DIP2C: variants seen among roughly 807,000 people sequenced by gnomAD.
The protein encoded by DIP2C is DIP2 acetate--CoA ligase C (putative).
In DIP2C, 33 loss-of-function variants were observed where a neutral mutation model predicts 192.4. The observed-to-expected ratio is 0.17, with a 90% CI of 0.13 to 0.23. The LOEUF is 0.23. Among genes scored for constraint, DIP2C ranks in the 10% least tolerant of loss-of-function variants. The pLI is 1.00. For synonymous variants in DIP2C, 979 were observed against 864.1 expected (o/e 1.13, Z -2.33); for missense variants, 1,537 against 2,110.1 (o/e 0.73, Z 5.32).
intron 17 of DIP2C, among the ~76,000 whole-genome samples, chr10:372,590 T>C (rs1277023690): frequency 6.6e-6 from 1 of 152,230 alleles, no homozygotes; most frequent in African/African-American, 2.4e-5. Context: ...ATTTGATAGA[T>C]TCCCTTGCTA....
At chr10:684,191 A>AAAGC (rs370366244) in intron 1 of DIP2C, among the ~76,000 whole-genome samples, 1 of 152,386 alleles carries the variant, frequency 6.6e-6, no homozygotes, top group African/African-American at 2.4e-5. Context: ...CACACGTTCA[A>AAAGC]AAGCCCACAC....
intron 1 of DIP2C, chr10:630,977 G>A (rs1468057996): frequency 6.6e-6 from 1 of 152,276 alleles, no homozygotes; most frequent in Non-Finnish European, 1.5e-5. Flanking sequence ...GGCTCTCAGG[G>A]AGCTGAGGGC....
At chr10:508,693 A>G (rs1564802299) in intron 1 of DIP2C, among the ~76,000 whole-genome samples, 1 of 152,126 alleles carries the variant, frequency 6.6e-6, no homozygotes, top group Non-Finnish European at 1.5e-5. Flanking sequence ...TGGTCAACGT[A>G]AGAAAAAAGC....
intron 32 of DIP2C, among the ~76,000 whole-genome samples, chr10:303,554 G>A (rs924619763): frequency 1.3e-5 from 2 of 148,718 alleles, no homozygotes; most frequent in African/African-American, 5.0e-5. Context: ...ACAGAGTTTT[G>A]CTCTTGTTGA....
At chr10:373,898 T>C (rs1961270655) in intron 17 of DIP2C, among the ~76,000 whole-genome samples, 1 of 152,228 alleles carries the variant, frequency 6.6e-6, no homozygotes, top group Admixed American at 6.5e-5. Context: ...CAATAAATAG[T>C]CTGGGCTTCC....
chr10:597,894 T>C (rs573568672), intron 1 of DIP2C, among the ~76,000 whole-genome samples: 2 of 152,198 alleles, frequency 1.3e-5, no homozygotes, highest in African/African-American at 4.8e-5. Flanking sequence ...CCAGGAGGTC[T>C]GAACGTGGAC....
At chr10:452,866 G>A (rs7072647) in intron 3 of DIP2C, among the ~76,000 whole-genome samples, 23,768 of 152,236 alleles carry the variant, frequency 0.16, 4,789 homozygotes, top group African/African-American at 0.47. Context: ...ACAGGGCACG[G>A]GGCAGGATGG....
rs191349278 is a variant in DIP2C, at chr10:495,637, G to T, written c.86-9107C>A. Among the ~76,000 whole-genome samples, 6 of 151,800 alleles carry T rather than the reference G, an allele frequency of 4.0e-5. No homozygotes were observed. The East Asian group carries it at 1.2e-3, about 29-fold the overall frequency. On this transcript the variant is annotated intron_variant, in intron 1 of 36. Coordinates refer to ENST00000280886, the MANE Select transcript of DIP2C (RefSeq NM_014974.3). ...GGTGTCCGTGGGGGTGGGTTCCAGGGGTCAGGATCCCAAAGTCTGTGATGC... is the reference window on the plus strand; with the variant it reads ...GGTGTCCGTGGGGGTGGGTTCCAGGTGTCAGGATCCCAAAGTCTGTGATGC...
At chr10:553,624 T>C (rs1049740504) in intron 1 of DIP2C, among the ~76,000 whole-genome samples, 4 of 152,250 alleles carry the variant, frequency 2.6e-5, no homozygotes, top group Non-Finnish European at 5.9e-5. Flanking sequence ...AATTAGGATT[T>C]AGTCCATGCC....
intron 1 of DIP2C, among the ~76,000 whole-genome samples, chr10:534,992 A>G (rs1342588827): frequency 6.6e-6 from 1 of 152,164 alleles, no homozygotes; most frequent in African/African-American, 2.4e-5. Flanking sequence ...ATTATTTTTA[A>G]CAATAGGTAC....
At chr10:475,566 C>A (rs1970992161) in intron 2 of DIP2C, among the ~76,000 whole-genome samples, 1 of 152,184 alleles carries the variant, frequency 6.6e-6, no homozygotes. Context: ...CCTTACATGT[C>A]TGATCTCAGA....
chr10:447,771 G>A (rs377442582), intron 3 of DIP2C, among the ~76,000 whole-genome samples: 89 of 88,728 alleles, frequency 1.0e-3, no homozygotes, highest in Admixed American at 1.5e-3. Context: ...ACTCATCCCC[G>A]TCTATACTCA....
At chr10:640,182 G>A (rs1000139154) in intron 1 of DIP2C, among the ~76,000 whole-genome samples, 2 of 152,244 alleles carry the variant, frequency 1.3e-5, no homozygotes, top group African/African-American at 2.4e-5. Flanking sequence ...CCTCCCACAG[G>A]TGGCAAGTGC....
intron 1 of DIP2C, among the ~76,000 whole-genome samples, chr10:500,633 T>C (rs1845156647): frequency 6.6e-6 from 1 of 152,158 alleles, no homozygotes; most frequent in Admixed American, 6.5e-5. Flanking sequence ...ACAGACACAA[T>C]ATCACCAAAT....
At chr10:622,706 C>T (rs984947338) in intron 1 of DIP2C, among the ~76,000 whole-genome samples, 1 of 152,200 alleles carries the variant, frequency 6.6e-6, no homozygotes, top group Non-Finnish European at 1.5e-5. Context: ...TAGGATACCC[C>T]TTACCACAGT....
chr10:496,782 C>T (rs1445879734), intron 1 of DIP2C, among the ~76,000 whole-genome samples: 1 of 151,800 alleles, frequency 6.6e-6, no homozygotes, highest in East Asian at 1.9e-4. Context: ...ATACTCCAAA[C>T]AATGTGAGTG....
chr10:277,683 C>A (rs1318810308), intron 36 of DIP2C, 106 bp from the exon 37 acceptor site: 9 of 1,454,786 alleles, frequency 6.2e-6, no homozygotes, highest in Non-Finnish European at 8.4e-6. Context: ...CTGAGCACTG[C>A]CCGACAGTCT....
chr10:280,514 C>T lies in DIP2C; in HGVS notation c.4418+686G>A, dbSNP rs544105689. Among the ~76,000 whole-genome samples, 7 of 152,330 alleles carry T rather than the reference C, an allele frequency of 4.6e-5. No individual in the cohort carries two copies. In the South Asian group the frequency reaches 8.3e-4, roughly 18 times the overall value. ...GCCTGTAAAACTCCCCGGCCCTGGC[C>T]GACTTAACTTACGGCACTCCAGCAT... is the stretch of plus-strand genomic sequence containing the variant. On this transcript the variant is annotated intron_variant, in intron 36 of 36. Coordinates refer to ENST00000280886, the MANE Select transcript of DIP2C (RefSeq NM_014974.3).
chr10:572,747 T>G (rs925896159), intron 1 of DIP2C, among the ~76,000 whole-genome samples: 2 of 152,172 alleles, frequency 1.3e-5, no homozygotes, highest in African/African-American at 4.8e-5. Context: ...GATGCGGGTT[T>G]TCCTCCAAAT....
Sources: allele counts gnomAD v4.1 joint callset (sites outside exome capture counted in the v4.1 genomes callset), GRCh38; gene constraint gnomAD v4.1.1; transcripts MANE v1.5; gene names NCBI Gene and HGNC (gene_info 2026-07-23, HGNC 2026-07-21).